The following TGFB2 variants were observed in gnomAD, a reference collection of about 807,000 sequenced individuals.
TGFB2 encodes transforming growth factor beta-2 proprotein.
In TGFB2, 13 loss-of-function variants were observed where a neutral mutation model predicts 42.7. The observed-to-expected ratio is 0.30, with a 90% CI of 0.20 to 0.48. TGFB2 has a LOEUF of 0.48. TGFB2 is among the 20% of genes least tolerant of loss of function. TGFB2 has a pLI of 0.99. For missense variants in TGFB2, 390 were observed against 517.5 expected, an observed-to-expected ratio of 0.75 and a Z score of 2.39; for synonymous variants, 193 against 193.6, an observed-to-expected ratio of 1.00 and a Z score of 0.03.
intron 1 of TGFB2, among the ~76,000 whole-genome samples, chr1:218,348,269 A>G (rs1192607522): frequency 6.6e-6 from 1 of 152,114 alleles, no homozygotes; most frequent in African/African-American, 2.4e-5. Flanking sequence ...CATGCCCTGT[A>G]TACTTGCTGG....
intron 1 of TGFB2, among the ~76,000 whole-genome samples, chr1:218,389,809 G>T (rs1392697559): frequency 6.6e-6 from 1 of 152,178 alleles, no homozygotes; most frequent in African/African-American, 2.4e-5. Context: ...AAATTTTTCA[G>T]ACATGTCTAA....
chr1:218,383,249 C>CCTTAATTAATG lies in TGFB2; in HGVS notation c.347-21920_347-21919insCTTAATTAATG, dbSNP rs528739518. 1.8e-4 allele frequency among the ~76,000 whole-genome samples: 27 copies of CCTTAATTAATG among 152,308 alleles called. No individual in the cohort carries two copies. The East Asian group carries it at 4.8e-3, about 27-fold the overall frequency. On this transcript the variant is annotated intron_variant, in intron 1 of 6. Transcript: ENST00000366930. Reference sequence around the variant, plus strand: ...AGGGGTTTAATTAGAAGACTATGAGCTCGAATGGAGCCACATTTAGACAGA... The same window carrying CCTTAATTAATG: ...AGGGGTTTAATTAGAAGACTATGAGCCTTAATTAATGTCGAATGGAGCCACATTTAGACAGA...
chr1:218,390,769 C>G (rs973121913), intron 1 of TGFB2, among the ~76,000 whole-genome samples: 1 of 152,204 alleles, frequency 6.6e-6, no homozygotes, highest in African/African-American at 2.4e-5. Context: ...ACCCTTGGCT[C>G]CATTCCAGAT....
At chr1:218,382,343 T>C (rs1246090223) in intron 1 of TGFB2, among the ~76,000 whole-genome samples, 1 of 152,116 alleles carries the variant, frequency 6.6e-6, no homozygotes, top group African/African-American at 2.4e-5. Flanking sequence ...AAAATCAATG[T>C]TTTTAGCTGA....
intron 1 of TGFB2, among the ~76,000 whole-genome samples, chr1:218,394,479 T>G (rs1658430931): frequency 6.6e-6 from 1 of 152,138 alleles, no homozygotes; most frequent in Non-Finnish European, 1.5e-5. Context: ...TTACTTTTTT[T>G]TTGCGCAGTG....
At chr1:218,409,234 T>G (rs1320671549) in intron 2 of TGFB2, among the ~76,000 whole-genome samples, 1 of 152,198 alleles carries the variant, frequency 6.6e-6, no homozygotes, top group Non-Finnish European at 1.5e-5. Flanking sequence ...ACCTGTACCG[T>G]CCAGGTTGGG....
At chr1:218,397,129 G>A (rs898899185) in intron 1 of TGFB2, among the ~76,000 whole-genome samples, 6 of 151,556 alleles carry the variant, frequency 4.0e-5, no homozygotes, top group African/African-American at 7.3e-5. Context: ...TTAGCCAGGC[G>A]TGGTGGCAGG....
chr1:218,398,088 A>G (rs1372517956), intron 1 of TGFB2, among the ~76,000 whole-genome samples: 1 of 152,226 alleles, frequency 6.6e-6, no homozygotes, highest in Non-Finnish European at 1.5e-5. Flanking sequence ...GACTTTATCA[A>G]TCTGCTTTTA....
At chr1:218,433,278 G>A (rs1369015111) in intron 2 of TGFB2, among the ~76,000 whole-genome samples, 5 of 152,100 alleles carry the variant, frequency 3.3e-5, no homozygotes, top group African/African-American at 1.2e-4. Flanking sequence ...TGTTGGCCAG[G>A]CTGGTCTTGA....
intron 6 of TGFB2, 103 bp downstream of exon 6, chr1:218,437,599 TC>T: frequency 7.9e-7 from 1 of 1,270,188 alleles, no homozygotes; most frequent in Non-Finnish European, 1.1e-6. Context: ...TGTCTTACCA[TC>T]ACACATGTAT....
intron 1 of TGFB2, among the ~76,000 whole-genome samples, chr1:218,369,756 CG>C (rs1553295118): frequency 6.6e-6 from 1 of 152,162 alleles, no homozygotes; most frequent in Non-Finnish European, 1.5e-5. Context: ...CTGCCTTTTC[CG>C]GTGTGAAATA....
chr1:218,391,539 C>T (rs947712), intron 1 of TGFB2, among the ~76,000 whole-genome samples: 62,499 of 152,016 alleles, frequency 0.41, 13,214 homozygotes, highest in East Asian at 0.54. Context: ...CATTTTATTA[C>T]ACAACACTGT....
At chr1:218,383,878 A>G (rs1658043977) in intron 1 of TGFB2, among the ~76,000 whole-genome samples, 3 of 152,260 alleles carry the variant, frequency 2.0e-5, no homozygotes. Flanking sequence ...GTAAACATGT[A>G]CTGACAAAAA....
At chr1:218,422,334 C>T (rs1419424310) in intron 2 of TGFB2, among the ~76,000 whole-genome samples, 1 of 152,098 alleles carries the variant, frequency 6.6e-6, no homozygotes, top group Non-Finnish European at 1.5e-5. Flanking sequence ...CCTCCTGCCC[C>T]AGCCTTTTGA....
At chr1:218,423,354 C>A (rs1436620997) in intron 2 of TGFB2, among the ~76,000 whole-genome samples, 12 of 152,148 alleles carry the variant, frequency 7.9e-5, no homozygotes, top group Admixed American at 7.9e-4. Context: ...TCCAGGATTA[C>A]CCTTGAAGCC....
chr1:218,427,780 G>T (rs966282563), intron 2 of TGFB2, among the ~76,000 whole-genome samples: 4 of 152,156 alleles, frequency 2.6e-5, no homozygotes, highest in African/African-American at 9.7e-5. Flanking sequence ...TGTGAATAGT[G>T]CCGCAATAAA....
chr1:218,424,269 G>A (rs933615491), intron 2 of TGFB2, among the ~76,000 whole-genome samples: 2 of 152,214 alleles, frequency 1.3e-5, no homozygotes, highest in Admixed American at 1.3e-4. Context: ...TGTTGCTAGT[G>A]CTCTGTGGCT....
At chr1:218,352,138 C>A (rs1656888076) in intron 1 of TGFB2, among the ~76,000 whole-genome samples, 1 of 150,606 alleles carries the variant, frequency 6.6e-6, no homozygotes, top group African/African-American at 2.4e-5. Context: ...CCCCACCCCA[C>A]CCCGCCCCAT....
chr1:218,423,131 C>G (rs185636775), intron 2 of TGFB2, among the ~76,000 whole-genome samples: 1 of 152,288 alleles, frequency 6.6e-6, no homozygotes, highest in African/African-American at 2.4e-5. Flanking sequence ...AGTGTGTTCT[C>G]TGTGCCTGTC....
Sources: gnomAD v4.1 joint callset for allele counts (sites outside exome capture counted in the v4.1 genomes callset) on GRCh38, gnomAD v4.1.1 for gene constraint, MANE v1.5 for transcripts, NCBI Gene and HGNC (gene_info 2026-07-23, HGNC 2026-07-21) for gene names.